Variants in PCSK5 observed in about 807,000 individuals in gnomAD.
PCSK5 encodes the protein prohormone convertase 5.
Under a neutral mutation model 233.2 loss-of-function variants are expected in PCSK5, and 129 were observed. The ratio of observed to expected loss-of-function variants is 0.55; its 90% CI spans 0.48 to 0.64. The LOEUF (loss-of-function observed/expected upper bound fraction) is 0.64, where lower values mean the gene tolerates loss of function less well. Among genes scored for constraint, PCSK5 ranks in the 30% least tolerant of loss-of-function variants. PCSK5 has a pLI of 0.00. For synonymous variants in PCSK5, 825 were observed against 879.2 expected (o/e 0.94, Z 1.09); for missense variants, 2,076 against 2,430.1 (o/e 0.85, Z 3.06).
chr9:75,973,195 AATT>A (rs939549625), intron 2 of PCSK5, among the ~76,000 whole-genome samples: 2 of 152,206 alleles, frequency 1.3e-5, no homozygotes, highest in African/African-American at 4.8e-5. Context: ...GTATTTTAAA[AATT>A]ATTATAACCA....
rs368950379 is a variant in PCSK5, at chr9:76,023,648, G to GAAA, written c.412-81_412-79dup. On this transcript the variant is annotated intron_variant, in intron 3 of 37. Transcript: ENST00000674117. ...ACTACACTCCAGCCTGGGCAGCAGAGAAAAAAAAAAACAAAAGAAAGAAAG... is the reference window on the plus strand; with the variant it reads ...ACTACACTCCAGCCTGGGCAGCAGAGAAAAAAAAAAAAAACAAAAGAAAGAAAG... 116 of 1,027,394 alleles carry GAAA rather than the reference G, an allele frequency of 1.1e-4. No individual in the cohort carries two copies. In the African/African-American group the frequency reaches 1.2e-3, roughly 11 times the overall value. The allele number at this position is 1,027,394 out of a possible 1,614,324, so 63.6% of individuals were successfully genotyped here. A position where few individuals can be genotyped will look rare whatever the true frequency, so the allele number is the denominator to read the frequency against.
At chr9:76,247,090 C>T (rs1826632071) in intron 24 of PCSK5, among the ~76,000 whole-genome samples, 1 of 152,166 alleles carries the variant, frequency 6.6e-6, no homozygotes, top group Non-Finnish European at 1.5e-5. Flanking sequence ...TGAACCTAGG[C>T]ACTTAGTCAT....
chr9:76,253,248 C>CTTT (rs566786609), intron 24 of PCSK5, among the ~76,000 whole-genome samples: 1 of 144,156 alleles, frequency 6.9e-6, no homozygotes, highest in Non-Finnish European at 1.5e-5. Flanking sequence ...TCTTCTTCTT[C>CTTT]TTTTTTTTTT....
chr9:75,984,541 A>G (rs981825324), intron 2 of PCSK5, among the ~76,000 whole-genome samples: 2 of 152,220 alleles, frequency 1.3e-5, no homozygotes, highest in African/African-American at 4.8e-5. Context: ...ACTTATAGAC[A>G]GTAATATAAG....
chr9:76,310,601 G>A lies in PCSK5; in HGVS notation c.3689-55G>A. On this transcript the variant is annotated intron_variant, in intron 29 of 37. Coordinates refer to ENST00000674117, the MANE Select transcript of PCSK5 (RefSeq NM_001372043.1). ...GAAAGCTTAAAAAAGCCATGTCTCT[G>A]CATGGAAAACCACATGATGACTATT... 3 of 1,213,702 alleles carry A rather than the reference G, an allele frequency of 2.5e-6. No homozygotes were observed. The East Asian group carries it at 7.8e-5, about 32-fold the overall frequency. 75.2% of individuals were successfully genotyped at this position (1,213,702 alleles called of 1,614,324 possible).
At chr9:75,933,338 C>T (rs972986207) in intron 2 of PCSK5, among the ~76,000 whole-genome samples, 3 of 152,102 alleles carry the variant, frequency 2.0e-5, no homozygotes, top group African/African-American at 7.2e-5. Context: ...TACCAACTTG[C>T]CCTAGTTCCT....
intron 9 of PCSK5, among the ~76,000 whole-genome samples, 190 bp from the exon 10 acceptor site, chr9:76,133,919 A>G (rs931094317): frequency 6.6e-6 from 1 of 152,048 alleles, no homozygotes; most frequent in Non-Finnish European, 1.5e-5. Flanking sequence ...CCTCCCACAG[A>G]CTAATGTCAC....
At chr9:75,908,945 A>ATCTCTCTCTCTG (rs1822576481) in intron 1 of PCSK5, among the ~76,000 whole-genome samples, 1 of 60,744 alleles carries the variant, frequency 1.6e-5, no homozygotes, top group East Asian at 5.1e-4. Flanking sequence ...CTCTCTGTCT[A>ATCTCTCTCTCTG]TCTATCTATC....
At position 76,227,733 on chromosome 9, in the gene PCSK5, C is replaced by A. The variant is rs1287505332; in HGVS notation, c.2729+128C>A. ...AAAAAGAAGCAAACTCTTTCCCACT[C>A]CACAGATATTCTCCTTGGTCTGGGC... On this transcript the variant is annotated intron_variant, in intron 21 of 37. Coordinates refer to ENST00000674117, the MANE Select transcript of PCSK5 (RefSeq NM_001372043.1). 5 of 653,928 alleles carry A rather than the reference C, an allele frequency of 7.6e-6. No homozygotes were observed. In the Admixed American group the frequency reaches 1.2e-4, roughly 16 times the overall value. 40.5% of individuals were successfully genotyped at this position (653,928 alleles called of 1,614,324 possible). A position where few individuals can be genotyped will look rare whatever the true frequency, so the allele number is the denominator to read the frequency against.
intron 3 of PCSK5, among the ~76,000 whole-genome samples, chr9:76,019,005 C>T (rs1301419216): frequency 6.6e-6 from 1 of 152,162 alleles, no homozygotes; most frequent in Non-Finnish European, 1.5e-5. Flanking sequence ...GTTACATAGT[C>T]CTATGCTGTG....
At chr9:76,338,737 T>A (rs991712445) in intron 35 of PCSK5, among the ~76,000 whole-genome samples, 1 of 152,148 alleles carries the variant, frequency 6.6e-6, no homozygotes, top group South Asian at 2.1e-4. Context: ...ACCTGATGAG[T>A]CTGTCTGGGG....
chr9:76,018,563 G>A (rs1828050812), intron 3 of PCSK5, among the ~76,000 whole-genome samples: 1 of 152,080 alleles, frequency 6.6e-6, no homozygotes, highest in South Asian at 2.1e-4. Context: ...ATCTGAGGTG[G>A]GTTCATCCTG....
intron 5 of PCSK5, among the ~76,000 whole-genome samples, chr9:76,064,124 T>G (rs1206473250): frequency 1.6e-5 from 1 of 63,754 alleles, no homozygotes; most frequent in African/African-American, 7.7e-5. Flanking sequence ...GGCGGCTGGC[T>G]GGGCGGAGGG....
rs761831513 is a variant in PCSK5 at position 75,916,402 on chromosome 9, C to T, written c.193-15977C>T. On this transcript the variant is annotated intron_variant, in intron 1 of 37. Transcript: ENST00000674117. ...CATTCTGTAAATGTTTACTGGGCAA[C>T]CACTCTATCCCACCCACTGTGATAG... Among the ~76,000 whole-genome samples, 123 of 152,150 alleles carry T rather than the reference C, an allele frequency of 8.1e-4. 1 individual carries two copies. The highest frequency in any genetic ancestry group is 1.4e-3 in the Non-Finnish European group (95 of 68,008).
chr9:76,045,840 G>C (rs1260180065), intron 5 of PCSK5, among the ~76,000 whole-genome samples: 2 of 152,170 alleles, frequency 1.3e-5, no homozygotes, highest in Non-Finnish European at 2.9e-5. Flanking sequence ...TAACCTAAGG[G>C]AATGATAATC....
chr9:76,233,148 G>A (rs1826146823), intron 21 of PCSK5, among the ~76,000 whole-genome samples: 1 of 152,320 alleles, frequency 6.6e-6, no homozygotes, highest in East Asian at 1.9e-4. Flanking sequence ...CTGACTGTTG[G>A]CTGGGTTTGG....
At chr9:75,953,764 T>C (rs966456720) in intron 2 of PCSK5, among the ~76,000 whole-genome samples, 2 of 152,100 alleles carry the variant, frequency 1.3e-5, no homozygotes, top group Admixed American at 1.3e-4. Context: ...TTTAAGCACC[T>C]ATCAAATTCC....
In PCSK5 at chr9:76,046,160, G is replaced by GTTTTTTTTTTTTTTTTTT. The variant is rs71372041; in HGVS notation, c.632+19141_632+19158dup. Among the ~76,000 whole-genome samples the GTTTTTTTTTTTTTTTTTT allele has an allele frequency of 2.9e-4, 17 of 58,036 alleles. 5 individuals are homozygous for GTTTTTTTTTTTTTTTTTT. The highest frequency in any genetic ancestry group is 1.3e-3 in the Admixed American group (5 of 3,774). The allele number at this position is 58,036 out of a possible 152,430, so 38.1% of individuals were successfully genotyped here. ...GCATTAACACATAATTTTTTCTTTT[G>GTTTTTTTTTTTTTTTTTT]TTTTTTTTTTTTTTTTTTTTTTTTT... On this transcript the variant is annotated intron_variant, in intron 5 of 37. Coordinates refer to ENST00000674117, the MANE Select transcript of PCSK5 (RefSeq NM_001372043.1).
intron 12 of PCSK5, among the ~76,000 whole-genome samples, chr9:76,160,415 C>A (rs1822803397): frequency 6.6e-6 from 1 of 152,146 alleles, no homozygotes; most frequent in African/African-American, 2.4e-5. Flanking sequence ...AAACCACAGC[C>A]CAAAGCCTAA....
Sources: allele counts gnomAD v4.1 joint callset (sites outside exome capture counted in the v4.1 genomes callset), GRCh38; gene constraint gnomAD v4.1.1; transcripts MANE v1.5; gene names NCBI Gene and HGNC (gene_info 2026-07-23, HGNC 2026-07-21).